The following MTMR14 variants were observed in gnomAD, a reference collection of about 807,000 sequenced individuals.
The protein encoded by MTMR14 is phosphatidylinositol-3,5-bisphosphate 3-phosphatase MTMR14.
A neutral mutation model predicts 86.3 loss-of-function variants in MTMR14; 48 were observed. The ratio of observed to expected loss-of-function variants is 0.56; its 90% CI spans 0.44 to 0.71. The LOEUF is 0.71. MTMR14 is among the 30% of genes least tolerant of loss of function. MTMR14 has a pLI of 0.00. For synonymous variants in MTMR14, 366 were observed against 326.1 expected (o/e 1.12, Z -1.32); for missense variants, 780 against 834.6 (o/e 0.93, Z 0.81).
intron 16 of MTMR14, 113 bp from the exon 17 acceptor site, chr3:9,689,851 C>G: frequency 9.3e-7 from 1 of 1,071,916 alleles, no homozygotes; most frequent in African/African-American, 1.6e-5. Context: ...TTTGCCAACT[C>G]ATGTGATGTT....
Position 9,701,550 on chromosome 3 carries a change from C to A in MTMR14, c.1770-240C>A. ...AAAAAAAAAAAAAAGGTTAGTGTCC[C>A]AGTAAAAGCTCCTGCTCTAGGTGGG... On this transcript the variant is annotated intron_variant, in intron 18 of 18. Transcript: ENST00000296003. This position sits in a 1 kb window ranked among gnomAD's most constrained non-coding sequence, Gnocchi z 4.2. 1 of 582,364 alleles carries A rather than the reference C, an allele frequency of 1.7e-6. No individual in the cohort carries two copies. Among genetic ancestry groups the A allele is most frequent in the Non-Finnish European group, 3.1e-6 (1 of 327,504 alleles). The allele number at this position is 582,364 out of a possible 1,614,324, so 36.1% of individuals were successfully genotyped here.
chr3:9,673,985 G>A (rs1309506550), intron 7 of MTMR14, among the ~76,000 whole-genome samples: 6 of 152,130 alleles, frequency 3.9e-5, no homozygotes, highest in Non-Finnish European at 7.3e-5. Flanking sequence ...ATGCTGGAGT[G>A]AGCTTGGCAG....
chr3:9,678,256 G>GA (rs1219197159), intron 9 of MTMR14, among the ~76,000 whole-genome samples, 198 bp downstream of exon 9: 1 of 152,184 alleles, frequency 6.6e-6, no homozygotes, highest in Non-Finnish European at 1.5e-5. Flanking sequence ...TCATGTCCCA[G>GA]AAAATCAAAG....
At chr3:9,672,498 C>T (rs763503811) in intron 6 of MTMR14, among the ~76,000 whole-genome samples, 187 bp from the exon 7 acceptor site, 2 of 152,154 alleles carry the variant, frequency 1.3e-5, no homozygotes, top group African/African-American at 2.4e-5. Context: ...GACCTCCAGC[C>T]GATGCACCCA....
chr3:9,650,640 GT>G (rs1291960303), intron 1 of MTMR14: 1 of 258,916 alleles, frequency 3.9e-6, no homozygotes, highest in African/African-American at 2.2e-5. Flanking sequence ...ATTTTTCCAA[GT>G]ATAGTCTGGG....
At chr3:9,664,869 A>C (rs1012962417) in intron 3 of MTMR14, among the ~76,000 whole-genome samples, 20 of 152,354 alleles carry the variant, frequency 1.3e-4, no homozygotes, top group African/African-American at 4.6e-4. Flanking sequence ...GCAGTCAACA[A>C]TAATTTATTG....
chr3:9,695,894 A>C (rs1156653245), intron 17 of MTMR14, among the ~76,000 whole-genome samples: 1 of 152,204 alleles, frequency 6.6e-6, no homozygotes, highest in Non-Finnish European at 1.5e-5. Flanking sequence ...GGCACAGGGC[A>C]GGCTGCTCCT....
rs528265279 is a variant in MTMR14 at position 9,696,952 on chromosome 3, AG to A, written c.1614-753del. On this transcript the variant is annotated intron_variant, in intron 17 of 18. Transcript: ENST00000296003. ...GCTGGACTACTGCCCAGGACAGAAG[AG>A]GGGGGTTGGCTGTGAGTGGGGAGGA... is the stretch of plus-strand genomic sequence containing the variant. 5.5e-4 allele frequency among the ~76,000 whole-genome samples: 83 copies of A among 152,188 alleles called. 2 individuals carry two copies. In the South Asian group the frequency reaches 0.016, roughly 29 times the overall value.
At position 9,677,471 on chromosome 3, in the gene MTMR14, AAAC is replaced by A. The variant is rs2075621383; in HGVS notation, c.822+90_822+92del. The A allele has an allele frequency of 1.5e-5, 18 of 1,232,052 alleles. No individual in the cohort carries two copies. The highest frequency in any genetic ancestry group is 2.2e-5 in the Non-Finnish European group (18 of 834,202). 76.3% of individuals were successfully genotyped at this position (1,232,052 alleles called of 1,614,324 possible). On this transcript the variant is annotated intron_variant, in intron 8 of 18. Transcript: ENST00000296003. The surrounding 1 kb of genome is among the most constrained non-coding windows in gnomAD (Gnocchi z 4.2). ...GAGAACAACAAGCAGTCTTTGGGGA[AAAC>A]AACAAGCAGTCTTTGGGGAAAATAA... is the stretch of plus-strand genomic sequence containing the variant.
At chr3:9,696,451 G>T (rs1161053218) in intron 17 of MTMR14, among the ~76,000 whole-genome samples, 1 of 152,206 alleles carries the variant, frequency 6.6e-6, no homozygotes, top group Non-Finnish European at 1.5e-5. Flanking sequence ...GGCAGAGGTT[G>T]CAGTGAGCTG....
At chr3:9,679,402 C>G (rs777281249) in intron 9 of MTMR14, among the ~76,000 whole-genome samples, 4 of 152,170 alleles carry the variant, frequency 2.6e-5, no homozygotes, top group Non-Finnish European at 4.4e-5. Context: ...ATGCAGAGGT[C>G]AAGTAGACTC....
intron 2 of MTMR14, among the ~76,000 whole-genome samples, chr3:9,660,319 C>T (rs925100864): frequency 1.3e-5 from 2 of 151,814 alleles, no homozygotes; most frequent in African/African-American, 2.4e-5. Context: ...AGTGCAATGG[C>T]GTGATGTTGG....
rs2076483239 is a variant in MTMR14 at position 9,702,246 on chromosome 3, G to A, written c.*273G>A. On this transcript the variant is annotated 3_prime_UTR_variant, in exon 19 of 19. Coordinates refer to ENST00000296003, the MANE Select transcript of MTMR14 (RefSeq NM_001077525.3). ...TCCCATCAACTCTCAGAACTGTGTGGGGTTTCCCTGGGGCCTTGTGGAAGC... is the reference window on the plus strand; with the variant it reads ...TCCCATCAACTCTCAGAACTGTGTGAGGTTTCCCTGGGGCCTTGTGGAAGC... 1.9e-6 allele frequency: 1 copy of A among 521,110 alleles called. No individual in the cohort carries two copies. Among genetic ancestry groups the A allele is most frequent in the Admixed American group, 3.1e-5 (1 of 31,908 alleles). The allele number at this position is 521,110 out of a possible 1,614,324, so 32.3% of individuals were successfully genotyped here. A position where few individuals can be genotyped will look rare whatever the true frequency, so the allele number is the denominator to read the frequency against.
chr3:9,697,980 C>A, intron 18 of MTMR14, 114 bp downstream of exon 18: 1 of 1,418,334 alleles, frequency 7.1e-7, no homozygotes, highest in East Asian at 2.3e-5. Flanking sequence ...GCCTGGCCTC[C>A]TGCCCTCCCC....
chr3:9,688,931 T>G lies in MTMR14; in HGVS notation c.1295-13T>G. On this transcript the variant is annotated splice_polypyrimidine_tract_variant and intron_variant, in intron 15 of 18. Transcript: ENST00000296003. ...AAGGTAACACGCTGACTGATGGCAC[T>G]GGCTTCTTTTAGGACGAAAGGACCG... 6.2e-7 allele frequency: 1 copy of G among 1,614,064 alleles called. No homozygotes were observed. The highest frequency in any genetic ancestry group is 8.5e-7 in the Non-Finnish European group (1 of 1,180,018).
chr3:9,655,947 G>A (rs1004305737), intron 2 of MTMR14, among the ~76,000 whole-genome samples: 5 of 151,826 alleles, frequency 3.3e-5, no homozygotes, highest in African/African-American at 1.2e-4. Flanking sequence ...GCTCACACCT[G>A]TAATCCCAGC....
chr3:9,702,361 A>G lies in MTMR14; in HGVS notation c.*388A>G, dbSNP rs1349520941. The G allele has an allele frequency of 1.3e-5, 4 of 306,146 alleles. No homozygotes were observed. Among genetic ancestry groups the G allele is most frequent in the Admixed American group, 4.3e-5 (1 of 23,472 alleles). The allele number at this position is 306,146 out of a possible 1,614,324, so 19.0% of individuals were successfully genotyped here. A position where few individuals can be genotyped will look rare whatever the true frequency, so the allele number is the denominator to read the frequency against. ...AGAATGAGGCAGTTTGACACAGATC[A>G]CAAAATAAAATCAAAGTCTTTTTGA... On this transcript the variant is annotated 3_prime_UTR_variant, in exon 19 of 19. Transcript: ENST00000296003.
At chr3:9,676,738 T>C (rs1044679576) in intron 7 of MTMR14, among the ~76,000 whole-genome samples, 1 of 152,242 alleles carries the variant, frequency 6.6e-6, no homozygotes, top group African/African-American at 2.4e-5. Context: ...TTACTTATGA[T>C]TTTTCCACCA....
intron 3 of MTMR14, 122 bp downstream of exon 3, chr3:9,662,497 G>A: frequency 1.3e-6 from 1 of 799,216 alleles, no homozygotes; most frequent in Non-Finnish European, 2.2e-6. Flanking sequence ...GTTACTGGGT[G>A]TTGTGGGAAG....
Sources: allele counts gnomAD v4.1 joint callset (sites outside exome capture counted in the v4.1 genomes callset), GRCh38; gene constraint gnomAD v4.1.1; non-coding constraint Gnocchi (gnomAD v3.1); transcripts MANE v1.5; gene names NCBI Gene and HGNC (gene_info 2026-07-23, HGNC 2026-07-21).